Variants in FILIP1L observed in about 807,000 individuals in gnomAD.
FILIP1L encodes the protein filamin A-interacting protein 1-like.
FILIP1L carries 55 observed loss-of-function variants against 96.6 expected under a neutral mutation model. The observed-to-expected ratio is 0.57, with a 90% CI of 0.46 to 0.71. FILIP1L has a LOEUF of 0.71. Among genes scored for constraint, FILIP1L ranks in the 30% least tolerant of loss-of-function variants. The pLI is 0.00. For missense variants in FILIP1L, 1,304 were observed against 1,321.2 expected, an observed-to-expected ratio of 0.99 and a Z score of 0.20; for synonymous variants, 467 against 473.9, an observed-to-expected ratio of 0.99 and a Z score of 0.19.
chr3:100,057,027 G>A (rs1429862155), intron 1 of FILIP1L, among the ~76,000 whole-genome samples: 3 of 152,020 alleles, frequency 2.0e-5, no homozygotes, highest in Non-Finnish European at 4.4e-5. Context: ...TTGGGCAAGT[G>A]ATTTTTCCCA....
chr3:100,070,152 C>T (rs1485655839), intron 1 of FILIP1L, among the ~76,000 whole-genome samples: 2 of 152,170 alleles, frequency 1.3e-5, no homozygotes, highest in Non-Finnish European at 2.9e-5. Flanking sequence ...GCTCTGTGCT[C>T]ATTCCTGTTA....
intron 4 of FILIP1L, among the ~76,000 whole-genome samples, chr3:99,917,064 G>A (rs1462268305): frequency 6.6e-6 from 1 of 152,134 alleles, no homozygotes; most frequent in East Asian, 1.9e-4. Context: ...GAAGTTTGAG[G>A]TTGCCTTTCC....
intron 1 of FILIP1L, among the ~76,000 whole-genome samples, chr3:100,012,961 G>T (rs967548340): frequency 2.0e-5 from 3 of 151,676 alleles, no homozygotes; most frequent in African/African-American, 7.3e-5. Flanking sequence ...ATGTATGTAT[G>T]TATTTATTTA....
At chr3:99,842,595 T>C (rs759696761) in intron 5 of FILIP1L, among the ~76,000 whole-genome samples, 4 of 151,464 alleles carry the variant, frequency 2.6e-5, no homozygotes, top group Admixed American at 6.6e-5. Flanking sequence ...CTCACTAAAA[T>C]AAGAAAACTA....
At chr3:100,037,409 A>C (rs2065126444) in intron 1 of FILIP1L, among the ~76,000 whole-genome samples, 1 of 152,204 alleles carries the variant, frequency 6.6e-6, no homozygotes, top group African/African-American at 2.4e-5. Flanking sequence ...TTAAGTTTGA[A>C]GTTATTTTAA....
intron 5 of FILIP1L, among the ~76,000 whole-genome samples, chr3:99,844,565 A>C (rs1013489572): frequency 2.0e-5 from 3 of 152,176 alleles, no homozygotes; most frequent in African/African-American, 7.2e-5. Flanking sequence ...AAGCTACTAA[A>C]ACGTTTTTAT....
intron 1 of FILIP1L, among the ~76,000 whole-genome samples, chr3:99,962,125 T>G (rs1419638351): frequency 6.6e-6 from 1 of 152,152 alleles, no homozygotes; most frequent in African/African-American, 2.4e-5. Context: ...AGGAAGGTAT[T>G]CCAGGAAGGA....
intron 1 of FILIP1L, among the ~76,000 whole-genome samples, chr3:99,933,672 A>G (rs1257263994): frequency 6.6e-6 from 1 of 152,188 alleles, no homozygotes; most frequent in Non-Finnish European, 1.5e-5. Flanking sequence ...AATATAGGTA[A>G]ATATTACATT....
intron 1 of FILIP1L, among the ~76,000 whole-genome samples, chr3:100,056,742 G>C (rs1247469700): frequency 6.6e-6 from 1 of 151,598 alleles, no homozygotes; most frequent in Non-Finnish European, 1.5e-5. Flanking sequence ...GCTCACGCCT[G>C]TAATCCCAGC....
chr3:99,929,973 C>T lies in FILIP1L; in HGVS notation c.309G>A (p.Leu103=), dbSNP rs758805415. 8 of 1,614,032 alleles carry T rather than the reference C, an allele frequency of 5.0e-6. No homozygotes were observed. In the South Asian group the frequency reaches 8.8e-5, roughly 18 times the overall value. Residue 103 remains leucine (L), a synonymous_variant, in exon 3 of 6, where the codon CTG becomes CTA. Transcript: ENST00000477258. ...LKAEKMDLAL[L]EAQYGFVTPK... Reference sequence around the variant, plus strand: ...GAGTGACAAACCCATACTGAGCTTCCAGCAAAGCCAGGTCCATTTTTTCAG... The same window carrying T: ...GAGTGACAAACCCATACTGAGCTTCTAGCAAAGCCAGGTCCATTTTTTCAG...
Position 99,848,946 on chromosome 3 carries a change from A to T in FILIP1L, c.2730T>A (p.His910Gln). ...TTTCAAGAGTGGCTGTGTTTTGTAC[A>T]TGGTCTGGAGTAACCTTTATATGAA... ...QPLHIKVTPD[H>Q]VQNTATLEIT... Residue 910 changes from histidine to glutamine, a missense_variant, in exon 5 of 6, where the codon CAT becomes CAA. His to Gln is a conservative substitution (Grantham distance 24). Coordinates refer to ENST00000477258, the MANE Select transcript of FILIP1L (RefSeq NM_001387850.1). 1.2e-6 allele frequency: 2 copies of T among 1,614,142 alleles called. No homozygotes were observed. Among genetic ancestry groups the T allele is most frequent in the South Asian group, 2.2e-5 (2 of 91,074 alleles).
chr3:100,024,975 C>T (rs1019229651), intron 1 of FILIP1L, among the ~76,000 whole-genome samples: 5 of 152,144 alleles, frequency 3.3e-5, no homozygotes, highest in African/African-American at 9.7e-5. Context: ...GCAAGTTTAT[C>T]GAGCTTGATT....
intron 1 of FILIP1L, among the ~76,000 whole-genome samples, chr3:99,954,898 G>C (rs1426380271): frequency 3.9e-5 from 6 of 152,122 alleles, no homozygotes; most frequent in African/African-American, 1.4e-4. Flanking sequence ...TAATTGAAGT[G>C]CTAAGCACCA....
At chr3:100,087,654 G>GT (rs898007456) in intron 1 of FILIP1L, among the ~76,000 whole-genome samples, 6 of 151,832 alleles carry the variant, frequency 4.0e-5, no homozygotes, top group African/African-American at 1.2e-4. Flanking sequence ...TAACTTGCGA[G>GT]TTTTTTTCCC....
intron 1 of FILIP1L, among the ~76,000 whole-genome samples, chr3:100,105,494 G>A (rs992871631): frequency 2.0e-5 from 3 of 152,104 alleles, no homozygotes; most frequent in African/African-American, 7.2e-5. Context: ...GGGGCAAAAG[G>A]GACTTCCAGG....
Position 99,848,611 on chromosome 3 carries a change from G to A in FILIP1L, c.3065C>T (p.Pro1022Leu), listed in dbSNP as rs781236985. ...SSPEQGRSPE[P>L]TEISAKHAIF... ...CGCATGCTTGGCACTGATTTCTGTTGGTTCTGGGGAGCGTCCCTGCTCAGG... is the reference window on the plus strand; with the variant it reads ...CGCATGCTTGGCACTGATTTCTGTTAGTTCTGGGGAGCGTCCCTGCTCAGG... The change falls in exon 5 of 6, where the codon CCA (proline) becomes CTA (leucine). Residue 1022 changes from proline to leucine, a missense_variant. Transcript: ENST00000477258. 47 of 1,614,068 alleles carry A rather than the reference G, an allele frequency of 2.9e-5. No homozygotes were observed. Among genetic ancestry groups the A allele is most frequent in the Non-Finnish European group, 3.9e-5 (46 of 1,180,040 alleles).
intron 4 of FILIP1L, among the ~76,000 whole-genome samples, chr3:99,880,754 T>A (rs951867069): frequency 6.6e-6 from 1 of 152,168 alleles, no homozygotes; most frequent in African/African-American, 2.4e-5. Flanking sequence ...AAGTAAAAAA[T>A]TTTACATGTA....
chr3:99,943,220 A>G (rs900792379), intron 1 of FILIP1L, among the ~76,000 whole-genome samples: 6 of 152,198 alleles, frequency 3.9e-5, no homozygotes, highest in African/African-American at 1.4e-4. Context: ...AAAAGAACCA[A>G]TTATGACATT....
intron 1 of FILIP1L, among the ~76,000 whole-genome samples, chr3:100,083,465 A>G (rs1559751782): frequency 2.0e-5 from 3 of 152,206 alleles, no homozygotes; most frequent in African/African-American, 4.8e-5. Flanking sequence ...TATTTTAGCA[A>G]GCTCTCCGTC....
Sources: allele counts gnomAD v4.1 joint callset (sites outside exome capture counted in the v4.1 genomes callset), GRCh38; gene constraint gnomAD v4.1.1; transcripts MANE v1.5; gene names NCBI Gene and HGNC (gene_info 2026-07-23, HGNC 2026-07-21).